The following TIMMDC1 variants were observed in gnomAD, a reference collection of about 807,000 sequenced individuals.
TIMMDC1 encodes complex I assembly factor TIMMDC1, mitochondrial.
In TIMMDC1, 25 loss-of-function variants were observed where a neutral mutation model predicts 32.6. The observed-to-expected ratio is 0.77, with a 90% CI of 0.56 to 1.07. The LOEUF (loss-of-function observed/expected upper bound fraction) is 1.07, where lower values mean the gene tolerates loss of function less well. Among genes scored for constraint, TIMMDC1 ranks in the 50% least tolerant of loss-of-function variants. The pLI is 0.00. For missense variants in TIMMDC1, 329 were observed against 349.2 expected, an observed-to-expected ratio of 0.94 and a Z score of 0.46; for synonymous variants, 130 against 127.6, an observed-to-expected ratio of 1.02 and a Z score of -0.13.
At position 119,503,935 on chromosome 3, in the gene TIMMDC1, TCTC is replaced by T. The variant is rs761784713; in HGVS notation, c.450-14_450-12del. On this transcript the variant is annotated splice_polypyrimidine_tract_variant and intron_variant, in intron 3 of 6. Coordinates refer to ENST00000494664, the MANE Select transcript of TIMMDC1 (RefSeq NM_016589.4). ...TATGCTTTAAATCTTATATTTTCCT[TCTC>T]CTCCCTTTTTACCAGCACAGTGAAC... The T allele has an allele frequency of 2.6e-4, 420 of 1,602,148 alleles. 2 individuals carry two copies. Among genetic ancestry groups the T allele is most frequent in the Non-Finnish European group, 2.8e-4 (333 of 1,170,780 alleles).
chr3:119,499,721 C>T (rs1406280530), intron 1 of TIMMDC1, among the ~76,000 whole-genome samples: 1 of 152,166 alleles, frequency 6.6e-6, no homozygotes, highest in African/African-American at 2.4e-5. Context: ...TGGACTGCGC[C>T]CGGCCTAGAA....
At chr3:119,515,791 G>A (rs1315276349) in intron 5 of TIMMDC1, among the ~76,000 whole-genome samples, 2 of 152,060 alleles carry the variant, frequency 1.3e-5, no homozygotes, top group Non-Finnish European at 2.9e-5. Flanking sequence ...TGCTGTAATC[G>A]GTTGGTTACT....
At chr3:119,505,417 A>C (rs918515013) in intron 4 of TIMMDC1, among the ~76,000 whole-genome samples, 2 of 151,696 alleles carry the variant, frequency 1.3e-5, no homozygotes, top group Non-Finnish European at 2.9e-5. Context: ...AGGCTGGAGT[A>C]CAATGGCGCG....
chr3:119,513,818 T>A, intron 5 of TIMMDC1, 99 bp downstream of exon 5: 3 of 743,940 alleles, frequency 4.0e-6, no homozygotes, highest in Non-Finnish European at 6.4e-6. Context: ...AATTTAATCC[T>A]TAGAATCTAT....
intron 4 of TIMMDC1, among the ~76,000 whole-genome samples, chr3:119,508,900 A>G (rs1039408119): frequency 1.3e-5 from 2 of 152,148 alleles, no homozygotes; most frequent in African/African-American, 2.4e-5. Flanking sequence ...AGAAAATCCA[A>G]ATGAATTAAG....
At chr3:119,515,685 C>T (rs1014670456) in intron 5 of TIMMDC1, among the ~76,000 whole-genome samples, 7 of 152,168 alleles carry the variant, frequency 4.6e-5, no homozygotes, top group African/African-American at 1.4e-4. Flanking sequence ...ATCTTTTTCC[C>T]AATGTGATTA....
Position 119,513,652 on chromosome 3 carries a change from A to G in TIMMDC1, c.529A>G (p.Ser177Gly). 1.2e-6 allele frequency: 2 copies of G among 1,612,972 alleles called. No homozygotes were observed. Among genetic ancestry groups the G allele is most frequent in the Non-Finnish European group, 1.7e-6 (2 of 1,179,122 alleles). ...TTGTTTTTAAATAGCTGTCACGGGAAGTCTTTTTAGGATAAACGTAGGCCT... is the reference window on the plus strand; with the variant it reads ...TTGTTTTTAAATAGCTGTCACGGGAGGTCTTTTTAGGATAAACGTAGGCCT... ...HFVIAGAVTG[S>G]LFRINVGLRG... Residue 177 changes from serine to glycine, a missense_variant, in exon 5 of 7, where the codon AGT (serine) becomes GGT (glycine). Coordinates refer to ENST00000494664, the MANE Select transcript of TIMMDC1 (RefSeq NM_016589.4).
chr3:119,503,116 C>T (rs187280829), intron 2 of TIMMDC1, among the ~76,000 whole-genome samples: 2 of 152,240 alleles, frequency 1.3e-5, no homozygotes, highest in Admixed American at 1.3e-4. Flanking sequence ...AATCTGAAAT[C>T]CTGAATGCTC....
intron 6 of TIMMDC1, among the ~76,000 whole-genome samples, chr3:119,519,121 C>CACCAATAAGAATG (rs112255784): frequency 2.6e-5 from 4 of 151,868 alleles, no homozygotes; most frequent in South Asian, 2.1e-4. Flanking sequence ...AGAGCAGATA[C>CACCAATAAGAATG]AGAAAGGAAT....
chr3:119,510,214 AT>A (rs2081944515), intron 4 of TIMMDC1, among the ~76,000 whole-genome samples: 1 of 152,074 alleles, frequency 6.6e-6, no homozygotes, highest in African/African-American at 2.4e-5. Flanking sequence ...GCCTTTTTAT[AT>A]TTCAGCAGTT....
At chr3:119,499,835 A>G (rs1258813127) in intron 1 of TIMMDC1, among the ~76,000 whole-genome samples, 3 of 152,232 alleles carry the variant, frequency 2.0e-5, no homozygotes, top group Non-Finnish European at 4.4e-5. Context: ...CTTCTTATGC[A>G]TTTGAGAGTA....
intron 1 of TIMMDC1, 106 bp from the exon 2 acceptor site, chr3:119,500,589 A>G: frequency 1.0e-6 from 1 of 988,280 alleles, no homozygotes; most frequent in Admixed American, 2.5e-5. Flanking sequence ...ACCTATGATG[A>G]AAAATGTTGT....
Position 119,513,690 on chromosome 3 carries a change from G to A in TIMMDC1, c.567G>A (p.Val189=). 1.2e-6 allele frequency: 2 copies of A among 1,609,066 alleles called. No individual in the cohort carries two copies. The highest frequency in any genetic ancestry group is 1.1e-5 in the South Asian group (1 of 90,246). The change falls in exon 5 of 7, where the codon GTG becomes GTA. Residue 189 remains valine (V), a synonymous_variant. Coordinates refer to ENST00000494664, the MANE Select transcript of TIMMDC1 (RefSeq NM_016589.4). ...TAAACGTAGGCCTGCGTGGCCTGGT[G>A]GCTGGTGGCATAATTGGAGCCTTGC... The part of the protein sequence containing the change: ...FRINVGLRGL[V]AGGIIGALLG...
intron 6 of TIMMDC1, among the ~76,000 whole-genome samples, chr3:119,518,004 A>G (rs568419961): frequency 4.7e-5 from 7 of 149,064 alleles, no homozygotes; most frequent in Middle Eastern, 3.4e-3. Context: ...TTGCATACAT[A>G]TGTAAGTAAG....
At chr3:119,502,444 G>A (rs1276248361) in intron 2 of TIMMDC1, among the ~76,000 whole-genome samples, 1 of 141,648 alleles carries the variant, frequency 7.1e-6, no homozygotes, top group Non-Finnish European at 1.5e-5. Context: ...TGCCCAGGCT[G>A]GTCTCAGAGT....
rs529689407 is a variant in TIMMDC1 at position 119,509,910 on chromosome 3, TC to T, written c.518-3729del. ...CATGTTAGCCAGGATGGTCTCAATC[TC>T]CTGACCTCGTGATCCGCCCGCCTCG... On this transcript the variant is annotated intron_variant, in intron 4 of 6. Coordinates refer to ENST00000494664, the MANE Select transcript of TIMMDC1 (RefSeq NM_016589.4). Among the ~76,000 whole-genome samples the T allele has an allele frequency of 7.0e-3, 1,062 of 152,204 alleles. 12 individuals are homozygous for T. Among genetic ancestry groups the T allele is most frequent in the African/African-American group, 0.024 (982 of 41,506 alleles).
chr3:119,501,537 C>A (rs2081875628), intron 2 of TIMMDC1, among the ~76,000 whole-genome samples: 1 of 152,150 alleles, frequency 6.6e-6, no homozygotes, highest in African/African-American at 2.4e-5. Context: ...TTCTCTTATA[C>A]AACCACAATT....
Position 119,500,718 on chromosome 3 carries a change from A to G in TIMMDC1, c.218A>G (p.Asp73Gly), listed in dbSNP as rs1418294450. ...AGTGAACAGCAGAGAATTTCAAAGG[A>G]CCTTGCTAATATCTGTAAGACGGCA... ...GKDEQQRISK[D>G]LANICKTAAT... Residue 73 changes from aspartate to glycine, a missense_variant, in exon 2 of 7, where the codon GAC (aspartate) becomes GGC (glycine). Coordinates refer to ENST00000494664, the MANE Select transcript of TIMMDC1 (RefSeq NM_016589.4). The G allele has an allele frequency of 6.2e-7, 1 of 1,613,558 alleles. No homozygotes were observed. The highest frequency in any genetic ancestry group is 1.7e-5 in the Admixed American group (1 of 59,836).
At chr3:119,519,055 A>G (rs2082006045) in intron 6 of TIMMDC1, among the ~76,000 whole-genome samples, 1 of 152,236 alleles carries the variant, frequency 6.6e-6, no homozygotes, top group African/African-American at 2.4e-5. Context: ...CTACATCTGA[A>G]TGCAAAAGCA....
Sources: allele counts gnomAD v4.1 joint callset (sites outside exome capture counted in the v4.1 genomes callset), GRCh38; gene constraint gnomAD v4.1.1; transcripts MANE v1.5; gene names NCBI Gene and HGNC (gene_info 2026-07-23, HGNC 2026-07-21).